The following TMEM169 variants were observed in gnomAD, a reference collection of about 807,000 sequenced individuals.
TMEM169 encodes transmembrane protein 169.
In TMEM169, 18 loss-of-function variants were observed where a neutral mutation model predicts 27.3. The ratio of observed to expected loss-of-function variants is 0.66; its 90% confidence interval spans 0.46 to 0.98. The LOEUF (loss-of-function observed/expected upper bound fraction) is 0.98. Among genes scored for constraint, TMEM169 ranks in the 50% least tolerant of loss-of-function variants. The pLI, the probability that TMEM169 is intolerant of heterozygous loss-of-function variation, is 0.00. For missense variants in TMEM169, 320 were observed against 368.6 expected (o/e 0.87, Z 1.08); for synonymous variants, 136 against 142.1 (o/e 0.96, Z 0.30).
rs182889371 is a variant in TMEM169 at position 216,099,711 on chromosome 2, G to C, written c.272-209G>C. On this transcript the variant is annotated intron_variant, in intron 2 of 2. Coordinates refer to ENST00000437356, the MANE Select transcript of TMEM169 (RefSeq NM_001142311.2). The surrounding 1 kb of genome is among the most constrained non-coding windows in gnomAD (Gnocchi z 5.0). Reference sequence around the variant, plus strand: ...AATTTTATCAGGGCCCAGGCACAAGGACTGAGAGTTCATGTGGGAGCAATA... The same window carrying C: ...AATTTTATCAGGGCCCAGGCACAAGCACTGAGAGTTCATGTGGGAGCAATA... Among the ~76,000 whole-genome samples, 8 of 152,252 alleles carry C rather than the reference G, an allele frequency of 5.3e-5. No homozygotes were observed. The East Asian group carries it at 1.5e-3, about 29-fold the overall frequency.
In TMEM169 at chr2:216,100,833, G is replaced by C. The variant is rs541335948; in HGVS notation, c.*291G>C. 15 of 432,926 alleles carry C rather than the reference G, an allele frequency of 3.5e-5. No individual in the cohort carries two copies. Among genetic ancestry groups the C allele is most frequent in the South Asian group, 3.3e-4 (15 of 45,828 alleles). 26.8% of individuals were successfully genotyped at this position (432,926 alleles called of 1,614,324 possible). ...TGTGTGTCGTTTTGGGAGCCTGGAA[G>C]TGTTACTGGTGCCTGGAACTGAGGG... On this transcript the variant is annotated 3_prime_UTR_variant, in exon 3 of 3. Transcript: ENST00000437356.
At chr2:216,089,738 G>A (rs962539211) in intron 1 of TMEM169, among the ~76,000 whole-genome samples, 4 of 152,182 alleles carry the variant, frequency 2.6e-5, no homozygotes, top group Non-Finnish European at 5.9e-5. Flanking sequence ...ACGGGCATGA[G>A]CCACCACACC....
chr2:216,096,306 G>A (rs757312967), intron 2 of TMEM169, 72 bp downstream of exon 2: 4 of 1,504,572 alleles, frequency 2.7e-6, no homozygotes, highest in South Asian at 1.3e-5. Flanking sequence ...GAACAGACAG[G>A]CATATGCTCA....
intron 1 of TMEM169, among the ~76,000 whole-genome samples, chr2:216,088,359 G>C (rs1043147772): frequency 2.0e-5 from 3 of 152,236 alleles, no homozygotes; most frequent in Non-Finnish European, 4.4e-5. Context: ...AGCTACTCAA[G>C]AGGCTGAGGC....
Position 216,100,020 on chromosome 2 carries a change from G to A in TMEM169, c.372G>A (p.Leu124=). ...AGATGGTGGACATCCATGTCACATT[G>A]ACAGAGAAAGAGCTGCAGGAACTGA... is the stretch of plus-strand genomic sequence containing the variant. The part of the protein sequence containing the change: ...KGQMVDIHVT[L]TEKELQELTK... The change falls in exon 3 of 3, where the codon TTG becomes TTA. Residue 124 remains leucine, a synonymous_variant. Transcript: ENST00000437356. 1 of 1,614,166 alleles carries A rather than the reference G, an allele frequency of 6.2e-7. No homozygotes were observed. The highest frequency in any genetic ancestry group is 8.5e-7 in the Non-Finnish European group (1 of 1,180,026).
Position 216,100,224 on chromosome 2 carries a change from C to T in TMEM169, c.576C>T (p.Leu192=), listed in dbSNP as rs1211848033. Residue 192 remains leucine (L), a synonymous_variant, in exon 3 of 3, where the codon CTC becomes CTT. Transcript: ENST00000437356. ...YGTITWYNIF[L]VYNEERTFWH... ...CTATCACCTGGTACAACATCTTCCTCGTGTATAATGAGGAAAGGACCTTCT... is the reference window on the plus strand; with the variant it reads ...CTATCACCTGGTACAACATCTTCCTTGTGTATAATGAGGAAAGGACCTTCT... The T allele has an allele frequency of 4.3e-6, 7 of 1,613,564 alleles. No individual in the cohort carries two copies. The highest frequency in any genetic ancestry group is 2.2e-5 in the East Asian group (1 of 44,874).
At chr2:216,090,641 A>G (rs1696100801) in intron 1 of TMEM169, among the ~76,000 whole-genome samples, 1 of 152,248 alleles carries the variant, frequency 6.6e-6, no homozygotes, top group Non-Finnish European at 1.5e-5. Flanking sequence ...CATAAAAACA[A>G]AAAAACACTT....
In TMEM169 at chr2:216,100,931, G is replaced by A. The variant is rs997616303; in HGVS notation, c.*389G>A. On this transcript the variant is annotated 3_prime_UTR_variant, in exon 3 of 3. Coordinates refer to ENST00000437356, the MANE Select transcript of TMEM169 (RefSeq NM_001142311.2). ...CCAAATCCACCAAGATAATAGACAG[G>A]GATGGAGTGAGACATTTAGGAAGCT... 5 of 278,904 alleles carry A rather than the reference G, an allele frequency of 1.8e-5. No homozygotes were observed. The highest frequency in any genetic ancestry group is 2.8e-5 in the Non-Finnish European group (4 of 145,046). 17.3% of individuals were successfully genotyped at this position (278,904 alleles called of 1,614,324 possible).
intron 1 of TMEM169, among the ~76,000 whole-genome samples, chr2:216,093,523 T>C (rs1185039058): frequency 6.6e-6 from 1 of 152,152 alleles, no homozygotes; most frequent in Admixed American, 6.6e-5. Flanking sequence ...GAGGACGTAG[T>C]GAAACCTGCC....
At chr2:216,089,996 C>A (rs1696088888) in intron 1 of TMEM169, among the ~76,000 whole-genome samples, 1 of 152,168 alleles carries the variant, frequency 6.6e-6, no homozygotes, top group Non-Finnish European at 1.5e-5. Flanking sequence ...TATTTCTCAT[C>A]TTTGCAAGTG....
At chr2:216,086,473 G>A (rs1308381194) in intron 1 of TMEM169, among the ~76,000 whole-genome samples, 1 of 152,156 alleles carries the variant, frequency 6.6e-6, no homozygotes, top group East Asian at 1.9e-4. Context: ...TAAAGCCTTG[G>A]AAATTGGGTA....
At chr2:216,094,296 G>A (rs1424369128) in intron 1 of TMEM169, among the ~76,000 whole-genome samples, 1 of 152,158 alleles carries the variant, frequency 6.6e-6, no homozygotes, top group African/African-American at 2.4e-5. Flanking sequence ...TATCCATAGC[G>A]GGTACCACTA....
At chr2:216,088,074 G>A (rs767741383) in intron 1 of TMEM169, among the ~76,000 whole-genome samples, 7 of 151,662 alleles carry the variant, frequency 4.6e-5, no homozygotes, top group African/African-American at 9.7e-5. Context: ...CACGAAAATC[G>A]CTTGAACCTG....
chr2:216,089,730 G>A (rs908436763), intron 1 of TMEM169, among the ~76,000 whole-genome samples: 6 of 152,082 alleles, frequency 3.9e-5, no homozygotes, highest in Non-Finnish European at 5.9e-5. Flanking sequence ...CTGGGATTAC[G>A]GGCATGAGCC....
chr2:216,100,234 G>A lies in TMEM169; in HGVS notation c.586G>A (p.Glu196Lys), dbSNP rs1696361476. Residue 196 changes from glutamate (E) to lysine (K), a missense_variant, in exon 3 of 3, where the codon GAG becomes AAG. Coordinates refer to ENST00000437356, the MANE Select transcript of TMEM169 (RefSeq NM_001142311.2). ...TWYNIFLVYN[E>K]ERTFWHKISY... ...GTACAACATCTTCCTCGTGTATAAT[G>A]AGGAAAGGACCTTCTGGCACAAGAT... The A allele has an allele frequency of 1.2e-6, 2 of 1,613,680 alleles. No individual in the cohort carries two copies. The highest frequency in any genetic ancestry group is 1.7e-6 in the Non-Finnish European group (2 of 1,179,976).
At chr2:216,096,315 C>G in intron 2 of TMEM169, 81 bp downstream of exon 2, 1 of 1,449,182 alleles carries the variant, frequency 6.9e-7, no homozygotes, top group Non-Finnish European at 9.4e-7. Context: ...GGCATATGCT[C>G]ACTGTCCTAT....
chr2:216,093,324 GATTA>G (rs928037225), intron 1 of TMEM169, among the ~76,000 whole-genome samples: 3 of 152,162 alleles, frequency 2.0e-5, no homozygotes, highest in Admixed American at 6.5e-5. Context: ...CTAATGGTTG[GATTA>G]ATTGTCCTCT....
chr2:216,084,277 A>G (rs953979449), intron 1 of TMEM169, among the ~76,000 whole-genome samples: 2 of 152,086 alleles, frequency 1.3e-5, no homozygotes, highest in Non-Finnish European at 2.9e-5. Context: ...AGACTCCCAG[A>G]ATCTCAGTGC....
rs1559230529 is a variant in TMEM169, at chr2:216,100,482, T to C, written c.834T>C (p.Asn278=). 1.2e-6 allele frequency: 2 copies of C among 1,613,874 alleles called. No homozygotes were observed. The highest frequency in any genetic ancestry group is 1.7e-6 in the Non-Finnish European group (2 of 1,179,986). ...YSIVELLESD[N]ISSTLSNKDP... Reference sequence around the variant, plus strand: ...TTGTGGAGTTGCTTGAATCCGACAATATCTCAAGCACTCTCTCCAACAAGG... The same window carrying C: ...TTGTGGAGTTGCTTGAATCCGACAACATCTCAAGCACTCTCTCCAACAAGG... The change falls in exon 3 of 3, where the codon AAT becomes AAC. Residue 278 remains asparagine, a synonymous_variant. Coordinates refer to ENST00000437356, the MANE Select transcript of TMEM169 (RefSeq NM_001142311.2).
Sources: allele counts gnomAD v4.1 joint callset (sites outside exome capture counted in the v4.1 genomes callset), GRCh38; gene constraint gnomAD v4.1.1; non-coding constraint Gnocchi (gnomAD v3.1); transcripts MANE v1.5; gene names NCBI Gene and HGNC (gene_info 2026-07-23, HGNC 2026-07-21).